Variants in ZDHHC14 observed in about 807,000 individuals in gnomAD.
The protein encoded by ZDHHC14 is zDHHC palmitoyltransferase 14, also known as palmitoyltransferase ZDHHC14.
ZDHHC14 carries 16 observed loss-of-function variants against 47.7 expected under a neutral mutation model. The ratio of observed to expected loss-of-function variants is 0.34; its 90% CI spans 0.23 to 0.51. The LOEUF is 0.51. Ranked by LOEUF, ZDHHC14 falls within the 20% of genes least tolerant of loss-of-function variation. The probability of loss-of-function intolerance (pLI) is 0.97; values close to 1 mark genes in which losing one functional copy is unlikely to be tolerated. For synonymous variants in ZDHHC14, 293 were observed against 278.9 expected, an observed-to-expected ratio of 1.05 and a Z score of -0.50; for missense variants, 515 against 662.5, an observed-to-expected ratio of 0.78 and a Z score of 2.44.
At chr6:157,438,795 G>C (rs1778497969) in intron 1 of ZDHHC14, among the ~76,000 whole-genome samples, 1 of 152,238 alleles carries the variant, frequency 6.6e-6, no homozygotes, top group Admixed American at 6.5e-5. Flanking sequence ...GGATGTTAGA[G>C]TACTATTTCC....
Position 157,593,163 on chromosome 6 carries a change from C to T in ZDHHC14, c.565+17C>T. On this transcript the variant is annotated intron_variant, in intron 3 of 8. Transcript: ENST00000359775. ...ACTGCGTAGGTGAGTAGTGCCTGGGCGGAGCCTGGCGGGAGCCCGGGTCCT... is the reference window on the plus strand; with the variant it reads ...ACTGCGTAGGTGAGTAGTGCCTGGGTGGAGCCTGGCGGGAGCCCGGGTCCT... The T allele has an allele frequency of 1.3e-6, 2 of 1,595,962 alleles. No homozygotes were observed. Among genetic ancestry groups the T allele is most frequent in the East Asian group, 2.2e-5 (1 of 44,574 alleles).
At chr6:157,622,276 G>A (rs1785227327) in intron 3 of ZDHHC14, among the ~76,000 whole-genome samples, 1 of 150,594 alleles carries the variant, frequency 6.6e-6, no homozygotes, top group Admixed American at 6.6e-5. Flanking sequence ...TATAGTCCCA[G>A]CCACTCGGGA....
intron 4 of ZDHHC14, 23 bp from the exon 5 acceptor site, chr6:157,632,811 A>G (rs1279129028): frequency 6.2e-7 from 1 of 1,613,470 alleles, no homozygotes; most frequent in African/African-American, 1.3e-5. Context: ...TCTGAATACT[A>G]AATGTTGGTT....
At position 157,650,077 on chromosome 6, in the gene ZDHHC14, G is replaced by A. The variant is rs1056729724; in HGVS notation, c.965+2709G>A. Among the ~76,000 whole-genome samples, 25 of 150,876 alleles carry A rather than the reference G, an allele frequency of 1.7e-4. 1 individual carries two copies. The highest frequency in any genetic ancestry group is 2.4e-5 in the African/African-American group (1 of 40,976). ...TCTGTGCCAGGCGCTGTGGGTGCAC[G>A]GGAGAGGGGCTGGCTCTGTGCCAGG... On this transcript the variant is annotated intron_variant, in intron 7 of 8. Coordinates refer to ENST00000359775, the MANE Select transcript of ZDHHC14 (RefSeq NM_024630.3).
chr6:157,580,481 A>G (rs1034430103), intron 2 of ZDHHC14, among the ~76,000 whole-genome samples: 17 of 152,058 alleles, frequency 1.1e-4, no homozygotes, highest in African/African-American at 3.9e-4. Context: ...AGCTCTTTAT[A>G]TATCTGGTAG....
intron 1 of ZDHHC14, among the ~76,000 whole-genome samples, chr6:157,485,509 G>C (rs907789106): frequency 2.0e-5 from 3 of 152,062 alleles, no homozygotes; most frequent in Non-Finnish European, 4.4e-5. Flanking sequence ...TTAGATTTTT[G>C]TTTTCATTTT....
At chr6:157,408,423 T>C (rs1386905391) in intron 1 of ZDHHC14, among the ~76,000 whole-genome samples, 1 of 152,274 alleles carries the variant, frequency 6.6e-6, no homozygotes, top group Non-Finnish European at 1.5e-5. Flanking sequence ...AAGGTCAGCA[T>C]TCATTAGCTA....
intron 1 of ZDHHC14, among the ~76,000 whole-genome samples, chr6:157,419,458 T>C (rs1778053788): frequency 6.6e-6 from 1 of 152,230 alleles, no homozygotes. Context: ...AAATTCCCCA[T>C]ACACCCTCCC....
At chr6:157,487,452 A>G (rs568698668) in intron 1 of ZDHHC14, among the ~76,000 whole-genome samples, 1 of 152,248 alleles carries the variant, frequency 6.6e-6, no homozygotes, top group Non-Finnish European at 1.5e-5. Flanking sequence ...GAAAAAAGTG[A>G]TATCAACTTG....
chr6:157,659,278 T>C (rs911427470), intron 8 of ZDHHC14, among the ~76,000 whole-genome samples: 2 of 152,246 alleles, frequency 1.3e-5, no homozygotes, highest in East Asian at 3.8e-4. Context: ...TGGTATTTTG[T>C]ATTTTTTAAA....
chr6:157,428,713 T>C (rs1038748823), intron 1 of ZDHHC14, among the ~76,000 whole-genome samples: 1 of 149,722 alleles, frequency 6.7e-6, no homozygotes, highest in African/African-American at 2.5e-5. Flanking sequence ...CTTCCCAGTA[T>C]AAAATGGAAG....
Position 157,492,206 on chromosome 6 carries a change from G to GC in ZDHHC14, c.246-50373dup, listed in dbSNP as rs954347593. ...CCCTCAACATCCCCCCTCCGCCCCC[G>GC]CCCCCCAGCCACTGTAGTCTCCCTG... On this transcript the variant is annotated intron_variant, in intron 1 of 8. Transcript: ENST00000359775. 9.7e-5 allele frequency among the ~76,000 whole-genome samples: 8 copies of GC among 82,542 alleles called. 1 individual carries two copies. Among genetic ancestry groups the GC allele is most frequent in the Admixed American group, 2.5e-4 (2 of 7,972 alleles). 54.2% of individuals were successfully genotyped at this position (82,542 alleles called of 152,430 possible).
At chr6:157,602,692 G>T (rs564001396) in intron 3 of ZDHHC14, among the ~76,000 whole-genome samples, 2 of 152,222 alleles carry the variant, frequency 1.3e-5, no homozygotes, top group African/African-American at 4.8e-5. Flanking sequence ...CTGGCGGGGT[G>T]TGTGAAAGTG....
At chr6:157,417,466 T>G (rs147938621) in intron 1 of ZDHHC14, among the ~76,000 whole-genome samples, 256 of 152,322 alleles carry the variant, frequency 1.7e-3, no homozygotes, top group African/African-American at 5.9e-3. Context: ...TGCTTAGCAT[T>G]CTGTAATATG....
At chr6:157,470,231 T>TA (rs774674355) in intron 1 of ZDHHC14, among the ~76,000 whole-genome samples, 1 of 152,234 alleles carries the variant, frequency 6.6e-6, no homozygotes, top group Non-Finnish European at 1.5e-5. Flanking sequence ...AAAATGCTAC[T>TA]ACTTATATAT....
intron 1 of ZDHHC14, among the ~76,000 whole-genome samples, chr6:157,389,458 A>T (rs374702187): frequency 1.3e-5 from 2 of 152,238 alleles, no homozygotes; most frequent in East Asian, 3.8e-4. Context: ...ACATGGATGC[A>T]ACAGTCCGTA....
chr6:157,565,222 G>A (rs1782857097), intron 2 of ZDHHC14, among the ~76,000 whole-genome samples: 1 of 152,110 alleles, frequency 6.6e-6, no homozygotes, highest in Non-Finnish European at 1.5e-5. Flanking sequence ...ACTCCATCCA[G>A]GCAAAAGAGT....
At chr6:157,537,189 G>C (rs1266116522) in intron 1 of ZDHHC14, among the ~76,000 whole-genome samples, 2 of 152,116 alleles carry the variant, frequency 1.3e-5, no homozygotes, top group Non-Finnish European at 2.9e-5. Flanking sequence ...CTGATTGTGT[G>C]GTCTCAGATA....
chr6:157,605,560 A>G lies in ZDHHC14; in HGVS notation c.565+12414A>G, dbSNP rs528054211. ...CAGGTTCAGAGAGGGCAGAGACTTG[A>G]CTCCGATCAGACAGCAAGGTAAGAA... On this transcript the variant is annotated intron_variant, in intron 3 of 8. Transcript: ENST00000359775. 3.9e-5 allele frequency among the ~76,000 whole-genome samples: 6 copies of G among 152,230 alleles called. No individual in the cohort carries two copies. In the East Asian group the frequency reaches 9.7e-4, roughly 24 times the overall value.
Sources: gnomAD v4.1 joint callset for allele counts (sites outside exome capture counted in the v4.1 genomes callset) on GRCh38, gnomAD v4.1.1 for gene constraint, MANE v1.5 for transcripts, NCBI Gene and HGNC (gene_info 2026-07-23, HGNC 2026-07-21) for gene names.